The following RGS6 variants were observed in gnomAD, a reference collection of about 807,000 sequenced individuals.
The protein encoded by RGS6 is regulator of G-protein signaling 6.
A neutral mutation model predicts 78.5 loss-of-function variants in RGS6; 30 were observed. That is an observed-to-expected ratio of 0.38 (90% CI 0.29 to 0.52). The LOEUF (loss-of-function observed/expected upper bound fraction) is 0.52. Ranked by LOEUF, RGS6 falls within the 20% of genes least tolerant of loss-of-function variation. The probability of loss-of-function intolerance (pLI) is 0.85; values close to 1 mark genes in which losing one functional copy is unlikely to be tolerated. For missense variants in RGS6, 495 were observed against 609.7 expected (o/e 0.81, Z 1.98); for synonymous variants, 206 against 206.0 (o/e 1.00, Z 0.00).
intron 2 of RGS6, among the ~76,000 whole-genome samples, chr14:72,218,496 G>A (rs1339279820): frequency 6.6e-6 from 1 of 151,422 alleles, no homozygotes; most frequent in Non-Finnish European, 1.5e-5. Context: ...CAGTATATTA[G>A]TTATTAACTC....
intron 3 of RGS6, among the ~76,000 whole-genome samples, chr14:72,431,564 A>ATTTTATTTTATT (rs2094641359): frequency 1.3e-5 from 2 of 149,110 alleles, no homozygotes; most frequent in East Asian, 2.0e-4. Flanking sequence ...ATTTTATTTT[A>ATTTTATTTTATT]GTAGACACGG....
chr14:71,993,228 G>T (rs1036737828), intron 2 of RGS6, among the ~76,000 whole-genome samples: 2 of 152,162 alleles, frequency 1.3e-5, no homozygotes, highest in Non-Finnish European at 2.9e-5. Context: ...ACTAGAATTT[G>T]TGTTCTTTAA....
At chr14:72,202,766 G>A (rs946129626) in intron 2 of RGS6, among the ~76,000 whole-genome samples, 3 of 152,032 alleles carry the variant, frequency 2.0e-5, no homozygotes, top group African/African-American at 7.2e-5. Flanking sequence ...GTTAAAAAGG[G>A]CAGTAGATGA....
At chr14:72,298,017 G>A (rs545894550) in intron 2 of RGS6, among the ~76,000 whole-genome samples, 1 of 151,890 alleles carries the variant, frequency 6.6e-6, no homozygotes, top group East Asian at 1.9e-4. Flanking sequence ...TTATAGCCTT[G>A]TAAAATATTA....
intron 2 of RGS6, among the ~76,000 whole-genome samples, chr14:72,160,336 T>C (rs1223637349): frequency 6.8e-6 from 1 of 146,788 alleles, no homozygotes; most frequent in Non-Finnish European, 1.5e-5. Context: ...TGGAAGCCAA[T>C]AAATATGTAA....
chr14:72,083,821 T>C (rs1008605046), intron 2 of RGS6, among the ~76,000 whole-genome samples: 4 of 152,148 alleles, frequency 2.6e-5, no homozygotes, highest in African/African-American at 9.7e-5. Flanking sequence ...GAAATGTTGC[T>C]TGGGGAAAAT....
chr14:72,415,317 G>A lies in RGS6; in HGVS notation c.185-39211G>A, dbSNP rs190507615. On this transcript the variant is annotated intron_variant, in intron 3 of 17. Coordinates refer to ENST00000553525, the MANE Select transcript of RGS6 (RefSeq NM_001204424.2). ...CTGTGCTAGCAATGAGCGAAGCTCC[G>A]TGGGCATAGGACTCTCCAAGCCAGG... 5.4e-4 allele frequency among the ~76,000 whole-genome samples: 80 copies of A among 149,332 alleles called. 1 individual carries two copies. Among genetic ancestry groups the A allele is most frequent in the South Asian group, 1.2e-3 (6 of 4,834 alleles).
Position 72,038,730 on chromosome 14 carries a change from A to G in RGS6, c.84+73855A>G, listed in dbSNP as rs191471093. 5.3e-3 allele frequency among the ~76,000 whole-genome samples: 800 copies of G among 152,342 alleles called. 6 individuals are homozygous for G. The highest frequency in any genetic ancestry group is 0.018 in the African/African-American group (743 of 41,596). On this transcript the variant is annotated intron_variant, in intron 2 of 17. Transcript: ENST00000553525. ...GTTTCCAGCTCCTTATTGCTAACAC[A>G]TAAAAATATGATCCATTTTTTTACA...
At chr14:72,451,128 G>A (rs929796905) in intron 3 of RGS6, among the ~76,000 whole-genome samples, 1 of 152,170 alleles carries the variant, frequency 6.6e-6, no homozygotes, top group Non-Finnish European at 1.5e-5. Flanking sequence ...GCATGGAAGG[G>A]ATGGTGGCGG....
intron 2 of RGS6, among the ~76,000 whole-genome samples, chr14:72,330,773 T>C (rs1378960926): frequency 1.3e-5 from 2 of 152,104 alleles, no homozygotes; most frequent in Non-Finnish European, 2.9e-5. Context: ...GAGTGGCCAA[T>C]TCATTATCGT....
chr14:72,324,211 A>G (rs906663794), intron 2 of RGS6, among the ~76,000 whole-genome samples: 1 of 152,198 alleles, frequency 6.6e-6, no homozygotes, highest in Non-Finnish European at 1.5e-5. Context: ...CATATGACAA[A>G]TTTTTTATTT....
chr14:72,335,244 C>T (rs2075820102), intron 2 of RGS6, among the ~76,000 whole-genome samples: 1 of 152,150 alleles, frequency 6.6e-6, no homozygotes, highest in South Asian at 2.1e-4. Context: ...TGAGAACAGA[C>T]TAATACAGCC....
At chr14:72,487,742 T>C (rs1235622402) in intron 12 of RGS6, among the ~76,000 whole-genome samples, 1 of 152,194 alleles carries the variant, frequency 6.6e-6, no homozygotes, top group African/African-American at 2.4e-5. Flanking sequence ...GACACCTTGA[T>C]TTTAGCTCAG....
intron 2 of RGS6, among the ~76,000 whole-genome samples, chr14:72,277,467 C>T (rs942224286): frequency 2.0e-5 from 3 of 151,974 alleles, no homozygotes; most frequent in African/African-American, 7.2e-5. Context: ...AGTGGTGGCA[C>T]GTGCCTGTAA....
At chr14:71,880,636 T>C in the RGS6 span, among the ~76,000 whole-genome samples, 1 of 152,208 alleles carries the variant, frequency 6.6e-6, no homozygotes, top group African/African-American at 2.4e-5. Context: ...ATTGAGACTG[T>C]GAGTGCACAG....
At chr14:72,326,395 A>G (rs185949337) in intron 2 of RGS6, among the ~76,000 whole-genome samples, 69 of 152,318 alleles carry the variant, frequency 4.5e-4, no homozygotes, top group African/African-American at 1.6e-3. Flanking sequence ...CGCAAATCAC[A>G]TGATGAAATG....
At chr14:71,949,028 A>C (rs575106499) in intron 1 of RGS6, among the ~76,000 whole-genome samples, 2 of 152,328 alleles carry the variant, frequency 1.3e-5, no homozygotes, top group African/African-American at 4.8e-5. Context: ...ATTACTATAT[A>C]GTATTCTACT....
intron 2 of RGS6, among the ~76,000 whole-genome samples, chr14:72,298,431 CTTTTTTT>C (rs1201498031): frequency 3.6e-5 from 3 of 83,748 alleles, no homozygotes; most frequent in Non-Finnish European, 6.7e-5. Flanking sequence ...CATTAATGTT[CTTTTTTT>C]TTTTTTTTTT....
intron 2 of RGS6, among the ~76,000 whole-genome samples, chr14:72,077,072 G>T (rs2094604449): frequency 6.6e-6 from 1 of 151,066 alleles, no homozygotes; most frequent in Non-Finnish European, 1.5e-5. Context: ...CTGTAACAGG[G>T]CATTAGAATT....
Sources: allele counts gnomAD v4.1 joint callset (sites outside exome capture counted in the v4.1 genomes callset), GRCh38; gene constraint gnomAD v4.1.1; transcripts MANE v1.5; gene names NCBI Gene and HGNC (gene_info 2026-07-23, HGNC 2026-07-21).